The following INPP4B variants were observed in gnomAD, a reference collection of about 807,000 sequenced individuals.
INPP4B encodes the protein inositol polyphosphate-4-phosphatase type II B.
In INPP4B, 55 loss-of-function variants were observed where a neutral mutation model predicts 122.5. The observed-to-expected ratio is 0.45, with a 90% CI of 0.36 to 0.56. The LOEUF (loss-of-function observed/expected upper bound fraction) is 0.56, where lower values mean the gene tolerates loss of function less well. INPP4B is among the 20% of genes least tolerant of loss of function. The probability of loss-of-function intolerance (pLI) is 0.00; values close to 1 mark genes in which losing one functional copy is unlikely to be tolerated. For synonymous variants in INPP4B, 403 were observed against 388.7 expected, an observed-to-expected ratio of 1.04 and a Z score of -0.43; for missense variants, 1,000 against 1,097.7, an observed-to-expected ratio of 0.91 and a Z score of 1.26.
chr4:142,585,908 G>T (rs981249115), intron 2 of INPP4B, among the ~76,000 whole-genome samples: 1 of 150,862 alleles, frequency 6.6e-6, no homozygotes. Context: ...TGTGCACAAC[G>T]GGCAGGTTTG....
chr4:142,280,112 A>T (rs1750493852), intron 9 of INPP4B, among the ~76,000 whole-genome samples: 1 of 151,858 alleles, frequency 6.6e-6, no homozygotes, highest in African/African-American at 2.4e-5. Context: ...ACTCTCATAC[A>T]TCTCTGTAAG....
chr4:142,219,120 G>A (rs1308908438), intron 12 of INPP4B, among the ~76,000 whole-genome samples: 1 of 152,118 alleles, frequency 6.6e-6, no homozygotes, highest in African/African-American at 2.4e-5. Flanking sequence ...AAAAACAACT[G>A]AATATTCCAA....
intron 15 of INPP4B, among the ~76,000 whole-genome samples, chr4:142,180,674 C>T (rs967286199): frequency 5.4e-4 from 82 of 152,188 alleles, no homozygotes; most frequent in African/African-American, 1.7e-3. Flanking sequence ...GGTTCAAACC[C>T]GGGTTTTCAT....
intron 1 of INPP4B, among the ~76,000 whole-genome samples, chr4:142,757,382 G>A (rs1770659902): frequency 6.6e-6 from 1 of 152,014 alleles, no homozygotes; most frequent in Admixed American, 6.6e-5. Context: ...ACCTACCATT[G>A]CAATATTGTA....
intron 14 of INPP4B, among the ~76,000 whole-genome samples, chr4:142,207,014 C>T (rs1283335723): frequency 6.6e-6 from 1 of 152,066 alleles, no homozygotes; most frequent in Non-Finnish European, 1.5e-5. Flanking sequence ...ATGAGTTTGA[C>T]TATTTTAGAT....
chr4:142,040,585 T>C (rs1336365111), intron 25 of INPP4B, among the ~76,000 whole-genome samples: 1 of 152,152 alleles, frequency 6.6e-6, no homozygotes, highest in Non-Finnish European at 1.5e-5. Context: ...ATATCTGACA[T>C]ATCTTAGTTA....
At chr4:142,142,939 G>A (rs1808621699) in intron 18 of INPP4B, among the ~76,000 whole-genome samples, 1 of 152,014 alleles carries the variant, frequency 6.6e-6, no homozygotes, top group South Asian at 2.1e-4. Flanking sequence ...ATCAACAGAT[G>A]GTAGAACAGA....
intron 7 of INPP4B, among the ~76,000 whole-genome samples, chr4:142,325,097 T>A (rs1181508404): frequency 2.6e-5 from 4 of 152,202 alleles, no homozygotes; most frequent in African/African-American, 9.6e-5. Flanking sequence ...ATTTTTGCTC[T>A]GATAGCTTAA....
intron 7 of INPP4B, among the ~76,000 whole-genome samples, chr4:142,319,700 C>G (rs763469836): frequency 4.6e-5 from 7 of 152,174 alleles, no homozygotes; most frequent in Non-Finnish European, 2.9e-5. Flanking sequence ...AATGGCCATA[C>G]ATAAAGGAGT....
chr4:142,405,483 G>A (rs1803116432), intron 5 of INPP4B, among the ~76,000 whole-genome samples, 159 bp from the exon 6 acceptor site: 1 of 152,186 alleles, frequency 6.6e-6, no homozygotes, highest in African/African-American at 2.4e-5. Flanking sequence ...GTACCTTACA[G>A]AAATAGGAAG....
intron 2 of INPP4B, among the ~76,000 whole-genome samples, chr4:142,555,190 G>A (rs1383232332): frequency 2.0e-5 from 3 of 152,160 alleles, no homozygotes; most frequent in African/African-American, 7.2e-5. Context: ...GAGACAGAGT[G>A]GGAAATAGAA....
intron 18 of INPP4B, among the ~76,000 whole-genome samples, chr4:142,126,643 A>G (rs766870243): frequency 6.6e-6 from 1 of 152,170 alleles, no homozygotes; most frequent in Non-Finnish European, 1.5e-5. Flanking sequence ...CTATTAATGC[A>G]TGATCATTTA....
At chr4:142,345,329 AG>A (rs1779958986) in intron 7 of INPP4B, among the ~76,000 whole-genome samples, 1 of 152,058 alleles carries the variant, frequency 6.6e-6, no homozygotes. Context: ...TTTTATGAAA[AG>A]GATCTATATT....
intron 2 of INPP4B, among the ~76,000 whole-genome samples, chr4:142,570,247 C>T (rs888989126): frequency 6.6e-6 from 1 of 152,004 alleles, no homozygotes; most frequent in Non-Finnish European, 1.5e-5. Flanking sequence ...ACAACCATAT[C>T]CCAAGAGCCT....
intron 2 of INPP4B, among the ~76,000 whole-genome samples, chr4:142,670,970 A>G (rs1756909062): frequency 6.6e-6 from 1 of 152,136 alleles, no homozygotes; most frequent in African/African-American, 2.4e-5. Context: ...AGAAGCCTAG[A>G]TAATTAGACA....
intron 10 of INPP4B, 29 bp from the exon 11 acceptor site, chr4:142,260,593 AATTTTGAGAACAATC>A: frequency 8.2e-7 from 1 of 1,218,058 alleles, no homozygotes; most frequent in Non-Finnish European, 1.1e-6. Flanking sequence ...AAAAAAAAAA[AATTTTGAGAACAATC>A]AAAATAAGGA....
chr4:142,118,441 C>G (rs1794867766), intron 21 of INPP4B, among the ~76,000 whole-genome samples: 1 of 152,126 alleles, frequency 6.6e-6, no homozygotes, highest in African/African-American at 2.4e-5. Flanking sequence ...GGTACCAAAA[C>G]AGAGACATAG....
chr4:142,622,670 T>C (rs1358300710), intron 2 of INPP4B, among the ~76,000 whole-genome samples: 1 of 151,884 alleles, frequency 6.6e-6, no homozygotes, highest in Non-Finnish European at 1.5e-5. Context: ...TCAATGGTGA[T>C]CCAAGAGAAG....
At chr4:142,297,585 C>A (rs1305983498) in intron 9 of INPP4B, among the ~76,000 whole-genome samples, 1 of 151,938 alleles carries the variant, frequency 6.6e-6, no homozygotes, top group East Asian at 1.9e-4. Flanking sequence ...CCTACTTCAC[C>A]TTTTGCCGTA....
Sources: allele counts gnomAD v4.1 joint callset (sites outside exome capture counted in the v4.1 genomes callset), GRCh38; gene constraint gnomAD v4.1.1; transcripts MANE v1.5; gene names NCBI Gene and HGNC (gene_info 2026-07-23, HGNC 2026-07-21).